RNF135: variants seen among roughly 807,000 people sequenced by gnomAD.
The protein encoded by RNF135 is E3 ubiquitin-protein ligase RNF135.
A neutral mutation model predicts 41.9 loss-of-function variants in RNF135; 46 were observed. The ratio of observed to expected loss-of-function variants is 1.10; its 90% CI spans 0.87 to 1.40. RNF135 has a LOEUF of 1.40. Ranked by LOEUF, RNF135 falls within the 40% of genes most tolerant of loss-of-function variation. RNF135 has a pLI of 0.00. For missense variants in RNF135, 539 were observed against 549.8 expected, an observed-to-expected ratio of 0.98 and a Z score of 0.20; for synonymous variants, 238 against 223.8, an observed-to-expected ratio of 1.06 and a Z score of -0.57.
chr17:30,974,472 G>A (rs1186428055), intron 1 of RNF135, among the ~76,000 whole-genome samples: 1 of 151,888 alleles, frequency 6.6e-6, no homozygotes, highest in African/African-American at 2.4e-5. Flanking sequence ...TAGGGATTAT[G>A]TTGAATCTGT....
At chr17:30,990,231 A>G (rs890238692) in intron 3 of RNF135, among the ~76,000 whole-genome samples, 2 of 151,962 alleles carry the variant, frequency 1.3e-5, no homozygotes, top group African/African-American at 4.8e-5. Context: ...ATATTCAAAA[A>G]TCAAAACAGG....
At chr17:30,984,525 C>A in intron 1 of RNF135, 92 bp from the exon 2 acceptor site, 1 of 1,324,800 alleles carries the variant, frequency 7.5e-7, no homozygotes. Context: ...GTTTTTATGC[C>A]ATTACCACAG....
chr17:30,973,493 G>T (rs751767571), intron 1 of RNF135, among the ~76,000 whole-genome samples: 33 of 150,928 alleles, frequency 2.2e-4, no homozygotes, highest in African/African-American at 6.6e-4. Context: ...TTTGAAACGA[G>T]GTCTCGCTCC....
chr17:30,990,399 C>T (rs1907906553), intron 3 of RNF135, among the ~76,000 whole-genome samples: 2 of 152,098 alleles, frequency 1.3e-5, no homozygotes, highest in African/African-American at 2.4e-5. Flanking sequence ...TGGCACACTC[C>T]AGTAGTGCCA....
the RNF135 span, chr17:30,959,829 G>A: frequency 0.17 from 26,484 of 151,670 alleles, 7,213 homozygotes; most frequent in African/African-American, 0.59. Context: ...CAGCCTGGGC[G>A]ACAAGAGGGA....
chr17:30,999,496 G>T lies in RNF135; in HGVS notation c.*305G>T. 2.6e-6 allele frequency: 1 copy of T among 386,314 alleles called. No individual in the cohort carries two copies. Among genetic ancestry groups the T allele is most frequent in the South Asian group, 2.5e-5 (1 of 39,642 alleles). 23.9% of individuals were successfully genotyped at this position (386,314 alleles called of 1,614,324 possible). A position where few individuals can be genotyped will look rare whatever the true frequency, so the allele number is the denominator to read the frequency against. On this transcript the variant is annotated 3_prime_UTR_variant, in exon 5 of 5. Transcript: ENST00000328381. ...TTGAACCCTGGACATTCCAAATAAA[G>T]AATAGGCCCCTGCCTGGCTCCTGGG...
intron 1 of RNF135, chr17:30,975,664 TG>T: frequency 7.5e-7 from 1 of 1,341,008 alleles, no homozygotes; most frequent in Non-Finnish European, 1.1e-6. Context: ...TACCGGAGGG[TG>T]GAGTCACCAC....
intron 1 of RNF135, chr17:30,980,269 C>G (rs1906985799): frequency 7.6e-6 from 1 of 132,028 alleles, no homozygotes; most frequent in African/African-American, 2.9e-5. Flanking sequence ...GTCCTCACTT[C>G]CCAGTAGGGG....
chr17:30,978,072 A>G (rs1906624786), intron 1 of RNF135, among the ~76,000 whole-genome samples: 1 of 152,212 alleles, frequency 6.6e-6, no homozygotes, highest in Non-Finnish European at 1.5e-5. Context: ...CTCCTGGCCT[A>G]TAAGGTTTCC....
intron 1 of RNF135, among the ~76,000 whole-genome samples, chr17:30,980,407 C>T (rs1418434765): frequency 7.7e-5 from 11 of 143,684 alleles, no homozygotes; most frequent in South Asian, 2.2e-4. Context: ...CCAGTAGGGG[C>T]GGCCGGGCAG....
intron 3 of RNF135, among the ~76,000 whole-genome samples, chr17:30,989,602 T>A (rs1907844755): frequency 3.9e-5 from 6 of 152,236 alleles, no homozygotes; most frequent in Admixed American, 3.9e-4. Context: ...CTCTGGCCAC[T>A]GCTATCTTCA....
intron 1 of RNF135, chr17:30,972,751 T>C (rs1470341347): frequency 6.6e-6 from 1 of 152,264 alleles, no homozygotes; most frequent in East Asian, 1.9e-4. Flanking sequence ...TGAATGATAT[T>C]CCATTGGGTG....
intron 3 of RNF135, among the ~76,000 whole-genome samples, chr17:30,991,756 C>A (rs1412419675): frequency 2.0e-5 from 3 of 151,966 alleles, no homozygotes; most frequent in African/African-American, 7.2e-5. Context: ...AATTGTCTTT[C>A]ATATCTTGTG....
the RNF135 span, among the ~76,000 whole-genome samples, chr17:30,965,666 A>G: frequency 2.0e-5 from 3 of 152,010 alleles, no homozygotes. Context: ...GAAAGAGTTT[A>G]ATTAACATTA....
At chr17:30,982,090 A>T (rs1299148420) in intron 1 of RNF135, among the ~76,000 whole-genome samples, 1 of 152,258 alleles carries the variant, frequency 6.6e-6, no homozygotes, top group African/African-American at 2.4e-5. Context: ...TATAATCAGC[A>T]GATGGCAAAG....
At chr17:30,967,823 T>G (rs1021351585), upstream of RNF135, among the ~76,000 whole-genome samples, 2 of 151,712 alleles carry the variant, frequency 1.3e-5, no homozygotes, top group Non-Finnish European at 2.9e-5. Context: ...TGCCTCAGCC[T>G]CCTGAGTAGC....
intron 1 of RNF135, among the ~76,000 whole-genome samples, chr17:30,978,108 T>C (rs919782346): frequency 1.3e-5 from 2 of 152,214 alleles, no homozygotes; most frequent in African/African-American, 4.8e-5. Flanking sequence ...GCCAGATGTA[T>C]TGGAACTCCC....
intron 1 of RNF135, among the ~76,000 whole-genome samples, chr17:30,979,721 C>T (rs1318951215): frequency 7.6e-6 from 1 of 132,014 alleles, no homozygotes; most frequent in African/African-American, 2.9e-5. Flanking sequence ...CTGACCCCCC[C>T]CACCTCCCTC....
At chr17:30,982,848 T>G (rs1448414603) in intron 1 of RNF135, among the ~76,000 whole-genome samples, 1 of 152,204 alleles carries the variant, frequency 6.6e-6, no homozygotes, top group Admixed American at 6.5e-5. Flanking sequence ...TTAACATGAC[T>G]GGTTCTTCAG....
Sources: allele counts gnomAD v4.1 joint callset (sites outside exome capture counted in the v4.1 genomes callset), GRCh38; gene constraint gnomAD v4.1.1; transcripts MANE v1.5; gene names NCBI Gene and HGNC (gene_info 2026-07-23, HGNC 2026-07-21).